IQGAP3: variants seen among roughly 807,000 people sequenced by gnomAD.
IQGAP3 encodes IQ motif containing GTPase activating protein 3, also known as ras GTPase-activating-like protein IQGAP3.
IQGAP3 carries 165 observed loss-of-function variants against 208.2 expected under a neutral mutation model. The ratio of observed to expected loss-of-function variants is 0.79; its 90% CI spans 0.70 to 0.90. The LOEUF (loss-of-function observed/expected upper bound fraction) is 0.90, where lower values mean the gene tolerates loss of function less well. Ranked by LOEUF, IQGAP3 falls within the 40% of genes least tolerant of loss-of-function variation. The pLI, the probability that IQGAP3 is intolerant of heterozygous loss-of-function variation, is 0.00. For missense variants in IQGAP3, 1,811 were observed against 2,043.1 expected, an observed-to-expected ratio of 0.89 and a Z score of 2.19; for synonymous variants, 703 against 803.6, an observed-to-expected ratio of 0.87 and a Z score of 2.12.
chr1:156,535,278 G>C, intron 27 of IQGAP3, 31 bp from the exon 28 acceptor site: 1 of 1,475,748 alleles, frequency 6.8e-7, no homozygotes, highest in Non-Finnish European at 9.4e-7. Flanking sequence ...GCGCGTGGCT[G>C]TGCCTCTGCC....
chr1:156,554,474 T>A, intron 12 of IQGAP3, 82 bp from the exon 13 acceptor site: 1 of 1,369,280 alleles, frequency 7.3e-7, no homozygotes, highest in South Asian at 1.5e-5. Flanking sequence ...CCCAAGGTTC[T>A]TGAATATCCC....
rs200847918 is a variant in IQGAP3, at chr1:156,548,209, C to T, written c.2168G>A (p.Arg723His). The change falls in exon 19 of 38, where the codon CGC becomes CAC. Residue 723 changes from arginine to histidine, a missense_variant. By Grantham distance (29) the Arg-to-His change is conservative. Coordinates refer to ENST00000361170, the MANE Select transcript of IQGAP3 (RefSeq NM_178229.5). Reference sequence around the variant, plus strand: ...GACGTTGGCTTTCCAGAGCTGTTGGCGGTCATAGGCAGCAGTGACCTTGGT... The same window carrying T: ...GACGTTGGCTTTCCAGAGCTGTTGGTGGTCATAGGCAGCAGTGACCTTGGT... ...AVTKVTAAYD[R>H]QQLWKANVGF... The T allele has an allele frequency of 7.6e-5, 123 of 1,613,878 alleles. No homozygotes were observed. Among genetic ancestry groups the T allele is most frequent in the Non-Finnish European group, 3.2e-5 (38 of 1,179,956 alleles).
At chr1:156,570,699 TG>T (rs1192197670) in intron 1 of IQGAP3, among the ~76,000 whole-genome samples, 1 of 152,182 alleles carries the variant, frequency 6.6e-6, no homozygotes, top group Non-Finnish European at 1.5e-5. Flanking sequence ...TTGTTGAGAC[TG>T]GTTCTCACCA....
intron 20 of IQGAP3, 30 bp from the exon 21 acceptor site, chr1:156,544,253 CA>C: frequency 6.2e-7 from 1 of 1,611,510 alleles, no homozygotes; most frequent in South Asian, 1.1e-5. Flanking sequence ...GCCTCAGCTC[CA>C]GCTTGGGGCC....
At chr1:156,561,544 A>G (rs1676151230) in intron 10 of IQGAP3, among the ~76,000 whole-genome samples, 1 of 152,224 alleles carries the variant, frequency 6.6e-6, no homozygotes, top group South Asian at 2.1e-4. Flanking sequence ...GTGTCAGGGG[A>G]AAAGTCAACT....
In IQGAP3 at chr1:156,554,243, A is replaced by C. The variant is rs1348211122; in HGVS notation, c.1440T>G (p.Asn480Lys). Residue 480 changes from asparagine to lysine, a missense_variant, in exon 13 of 38, where the codon AAT becomes AAG. Asn to Lys is a moderately conservative substitution (Grantham distance 94). Coordinates refer to ENST00000361170, the MANE Select transcript of IQGAP3 (RefSeq NM_178229.5). The part of the protein sequence containing the change: ...ATGLAEVEGE[N>K]AQRYFDALLK... ...GGCTAAGCCTTTCTCACCGCTGGGC[A>C]TTTTCTCCTTCCACCTCAGCCAGGC... is the stretch of plus-strand genomic sequence containing the variant. The C allele has an allele frequency of 6.2e-7, 1 of 1,607,502 alleles. No individual in the cohort carries two copies.
chr1:156,553,781 A>G (rs1452802627), intron 13 of IQGAP3, among the ~76,000 whole-genome samples: 2 of 151,910 alleles, frequency 1.3e-5, no homozygotes, highest in African/African-American at 4.8e-5. Flanking sequence ...GGGTTTCTCT[A>G]CATTGGTTAG....
At chr1:156,531,043 A>G in intron 33 of IQGAP3, 117 bp downstream of exon 33, 1 of 765,894 alleles carries the variant, frequency 1.3e-6, no homozygotes, top group Non-Finnish European at 2.4e-6. Context: ...TGGTGAGCAC[A>G]GGTGTCTGCT....
In IQGAP3 at chr1:156,526,576, C is replaced by T. The variant is rs765690308; in HGVS notation, c.4806G>A (p.Glu1602=). ...HYQDLLQLQY[E]GVAVMKLFNK... ...TGAAGAGTTTCATGACAGCCACACC[C>T]TCATACTGGAGCTGCAGGAGATCCT... Residue 1602 remains glutamate (E), a synonymous_variant, in exon 38 of 38, where the codon GAG becomes GAA. Coordinates refer to ENST00000361170, the MANE Select transcript of IQGAP3 (RefSeq NM_178229.5). The T allele has an allele frequency of 6.2e-7, 1 of 1,613,962 alleles. No homozygotes were observed.
chr1:156,565,504 C>G (rs1199315031), intron 4 of IQGAP3, among the ~76,000 whole-genome samples: 1 of 152,198 alleles, frequency 6.6e-6, no homozygotes, highest in Non-Finnish European at 1.5e-5. Context: ...ATTTGTATAG[C>G]TCTTCACAGT....
intron 15 of IQGAP3, 132 bp downstream of exon 15, chr1:156,551,573 G>A (rs1225306958): frequency 2.1e-6 from 2 of 948,966 alleles, no homozygotes; most frequent in East Asian, 5.4e-5. Flanking sequence ...TACCAGATTG[G>A]AACACCCCCC....
chr1:156,548,002 G>T, intron 19 of IQGAP3, 71 bp downstream of exon 19: 1 of 1,367,514 alleles, frequency 7.3e-7, no homozygotes, highest in Non-Finnish European at 1.0e-6. Context: ...CAGTAAAAAG[G>T]AAGCAGCGTG....
At chr1:156,559,743 T>C (rs78045875) in intron 11 of IQGAP3, among the ~76,000 whole-genome samples, 6,907 of 152,190 alleles carry the variant, frequency 0.045, 210 homozygotes, top group South Asian at 0.085. Context: ...GGAGAATAGA[T>C]TGTTTGCTCG....
At chr1:156,554,681 T>C (rs1419660933) in intron 12 of IQGAP3, among the ~76,000 whole-genome samples, 2 of 152,232 alleles carry the variant, frequency 1.3e-5, no homozygotes, top group African/African-American at 4.8e-5. Flanking sequence ...ACCAATAATG[T>C]AAGTCAAAAC....
At chr1:156,530,051 C>T (rs543972331) in intron 34 of IQGAP3, 54 bp downstream of exon 34, 57 of 1,362,758 alleles carry the variant, frequency 4.2e-5, no homozygotes, top group Admixed American at 2.2e-4. Flanking sequence ...TGTATATGCA[C>T]GCACACACAC....
chr1:156,539,230 G>T, intron 25 of IQGAP3, 144 bp downstream of exon 25: 5 of 879,374 alleles, frequency 5.7e-6, no homozygotes, highest in Non-Finnish European at 7.0e-6. Flanking sequence ...ATGTTTTACG[G>T]TTTCTCCACA....
Position 156,566,025 on chromosome 1 carries a change from A to G in IQGAP3, c.360+2T>C. On this transcript the variant is annotated splice_donor_variant, in intron 4 of 37. Coordinates refer to ENST00000361170, the MANE Select transcript of IQGAP3 (RefSeq NM_178229.5). LOFTEE classifies it high-confidence loss of function. Reference sequence around the variant, plus strand: ...AATACCAATCTTCAGGCCCAGTATTACCGAAGGCAGACCGATGTGGGCTAT... The same window carrying G: ...AATACCAATCTTCAGGCCCAGTATTGCCGAAGGCAGACCGATGTGGGCTAT... 6.2e-7 allele frequency: 1 copy of G among 1,610,688 alleles called. No homozygotes were observed. Among genetic ancestry groups the G allele is most frequent in the East Asian group, 2.2e-5 (1 of 44,874 alleles).
chr1:156,527,296 A>C (rs776184107), intron 37 of IQGAP3, among the ~76,000 whole-genome samples: 32 of 151,698 alleles, frequency 2.1e-4, no homozygotes, highest in Non-Finnish European at 4.0e-4. Context: ...CCTGACCAAC[A>C]TGGTGAAACC....
At position 156,534,727 on chromosome 1, in the gene IQGAP3, C is replaced by A; in HGVS notation, c.3514G>T (p.Gly1172Trp). The A allele has an allele frequency of 1.3e-6, 2 of 1,557,338 alleles. No individual in the cohort carries two copies. Among genetic ancestry groups the A allele is most frequent in the South Asian group, 1.2e-5 (1 of 83,296 alleles). Residue 1172 changes from glycine to tryptophan, a missense_variant, in exon 29 of 38, where the codon GGG becomes TGG. Coordinates refer to ENST00000361170, the MANE Select transcript of IQGAP3 (RefSeq NM_178229.5). The part of the protein sequence containing the change: ...ATDSEVYKVV[G>W]NLLYYRFLNP... ...AGGAAGCGGTAGTACAGGAGGTTCC[C>A]GACCACCTGAGGGCAAAGGAGACTC...
Sources: gnomAD v4.1 joint callset for allele counts (sites outside exome capture counted in the v4.1 genomes callset) on GRCh38, gnomAD v4.1.1 for gene constraint, MANE v1.5 for transcripts, NCBI Gene and HGNC (gene_info 2026-07-23, HGNC 2026-07-21) for gene names.